PPP1R21: variants seen among roughly 807,000 people sequenced by gnomAD.
The protein encoded by PPP1R21 is protein phosphatase 1 regulatory subunit 21.
Under a neutral mutation model 112.8 loss-of-function variants are expected in PPP1R21, and 85 were observed. That is an observed-to-expected ratio of 0.75 (90% CI 0.63 to 0.90). PPP1R21 has a LOEUF of 0.90. Among genes scored for constraint, PPP1R21 ranks in the 40% least tolerant of loss-of-function variants. The pLI is 0.00. For missense variants in PPP1R21, 1,199 were observed against 901.5 expected, an observed-to-expected ratio of 1.33 and a Z score of -4.23; for synonymous variants, 381 against 322.3, an observed-to-expected ratio of 1.18 and a Z score of -1.95.
intron 13 of PPP1R21, among the ~76,000 whole-genome samples, chr2:48,486,383 A>T (rs936244010): frequency 1.3e-5 from 2 of 152,168 alleles, no homozygotes; most frequent in African/African-American, 4.8e-5. Flanking sequence ...TAATACTCCG[A>T]CGAGGAAATC....
chr2:48,510,846 A>G (rs1670606260), intron 20 of PPP1R21, among the ~76,000 whole-genome samples: 1 of 152,236 alleles, frequency 6.6e-6, no homozygotes, highest in Non-Finnish European at 1.5e-5. Flanking sequence ...GGCTTTTCTT[A>G]CAATTTTATA....
chr2:48,443,997 C>A (rs1434207106), intron 1 of PPP1R21, among the ~76,000 whole-genome samples: 1 of 151,956 alleles, frequency 6.6e-6, no homozygotes, highest in East Asian at 1.9e-4. Context: ...AGCCTTTGTT[C>A]CAGGAAAGGT....
chr2:48,472,891 C>T (rs1294468466), intron 11 of PPP1R21, among the ~76,000 whole-genome samples: 1 of 146,858 alleles, frequency 6.8e-6, no homozygotes, highest in Non-Finnish European at 1.5e-5. Flanking sequence ...TTTGAGGCTG[C>T]AGTGAGCTGT....
chr2:48,454,118 G>A (rs1382838391), intron 2 of PPP1R21, among the ~76,000 whole-genome samples: 5 of 152,080 alleles, frequency 3.3e-5, no homozygotes, highest in South Asian at 2.1e-4. Flanking sequence ...AAAATTAGCC[G>A]AGTATGGTAG....
intron 6 of PPP1R21, among the ~76,000 whole-genome samples, chr2:48,460,798 T>C (rs879904614): frequency 1.7e-4 from 26 of 152,224 alleles, no homozygotes; most frequent in South Asian, 2.1e-4. Context: ...TGAATACTTA[T>C]GTGTTGTAAC....
At chr2:48,473,581 T>C (rs1214869816) in intron 11 of PPP1R21, among the ~76,000 whole-genome samples, 1 of 152,228 alleles carries the variant, frequency 6.6e-6, no homozygotes, top group Admixed American at 6.5e-5. Flanking sequence ...TTGGGGGCAT[T>C]GGTTTAAATA....
At chr2:48,491,376 T>G (rs1213970090) in intron 15 of PPP1R21, among the ~76,000 whole-genome samples, 2 of 152,120 alleles carry the variant, frequency 1.3e-5, no homozygotes, top group Non-Finnish European at 2.9e-5. Context: ...CCTATATTCG[T>G]AGGCCATGTT....
At chr2:48,514,579 G>T (rs1670789731) in intron 21 of PPP1R21, 136 bp from the exon 22 acceptor site, 4 of 701,200 alleles carry the variant, frequency 5.7e-6, no homozygotes, top group African/African-American at 1.8e-5. Flanking sequence ...AACAATGCAA[G>T]GTTATCAGCT....
In PPP1R21 at chr2:48,509,889, A is replaced by C. The variant is rs1473803620; in HGVS notation, c.2086-126A>C. Reference sequence around the variant, plus strand: ...TGTGACACAATGCCTATAGGTATTCAACAGATTATTTGTGGAATGAATGAG... The same window carrying C: ...TGTGACACAATGCCTATAGGTATTCCACAGATTATTTGTGGAATGAATGAG... On this transcript the variant is annotated intron_variant, in intron 19 of 21. Transcript: ENST00000294952. 8.2e-6 allele frequency: 5 copies of C among 607,590 alleles called. No homozygotes were observed. The East Asian group carries it at 1.1e-4, about 13-fold the overall frequency. The allele number at this position is 607,590 out of a possible 1,614,324, so 37.6% of individuals were successfully genotyped here. A position where few individuals can be genotyped will look rare whatever the true frequency, so the allele number is the denominator to read the frequency against.
chr2:48,487,127 A>G (rs867388071), intron 14 of PPP1R21, among the ~76,000 whole-genome samples: 16 of 152,316 alleles, frequency 1.1e-4, no homozygotes, highest in Non-Finnish European at 2.1e-4. Flanking sequence ...TTTTAATGCA[A>G]TATTGGATGA....
In PPP1R21 at chr2:48,484,514, C is replaced by CT. The variant is rs56150780; in HGVS notation, c.1319-2098dup. Among the ~76,000 whole-genome samples the CT allele has an allele frequency of 1.2e-3, 149 of 122,988 alleles. 3 individuals carry two copies. The highest frequency in any genetic ancestry group is 1.5e-3 in the South Asian group (6 of 4,028). The allele number at this position is 122,988 out of a possible 152,430, so 80.7% of individuals were successfully genotyped here. A position where few individuals can be genotyped will look rare whatever the true frequency, so the allele number is the denominator to read the frequency against. Reference sequence around the variant, plus strand: ...ATCTTTGGACTAAATAAAGAATAAACTTTTTTTTTTTTTTTTTTTCTGGAC... The same window carrying CT: ...ATCTTTGGACTAAATAAAGAATAAACTTTTTTTTTTTTTTTTTTTTCTGGAC... On this transcript the variant is annotated intron_variant, in intron 13 of 21. Transcript: ENST00000294952.
At chr2:48,471,457 G>A (rs1668493070) in intron 11 of PPP1R21, 90 bp downstream of exon 11, 1 of 1,280,008 alleles carries the variant, frequency 7.8e-7, no homozygotes, top group African/African-American at 1.5e-5. Flanking sequence ...TGTGCCTCTT[G>A]TGATCTGCCT....
intron 18 of PPP1R21, among the ~76,000 whole-genome samples, chr2:48,506,880 A>G (rs552731540): frequency 6.7e-6 from 1 of 148,946 alleles, no homozygotes; most frequent in Non-Finnish European, 1.5e-5. Flanking sequence ...TGGGAGGCGG[A>G]GCTTGCAGTG....
At chr2:48,509,427 C>A (rs892837805) in intron 19 of PPP1R21, among the ~76,000 whole-genome samples, 1 of 151,640 alleles carries the variant, frequency 6.6e-6, no homozygotes, top group Non-Finnish European at 1.5e-5. Flanking sequence ...ATGTAAAGAA[C>A]GGGTGCTGTG....
In PPP1R21 at chr2:48,498,592, C is replaced by T. The variant is rs1669956067; in HGVS notation, c.1792C>T (p.Gln598Ter). The change falls in exon 17 of 22, where the codon CAG becomes TAG. Residue 598 changes from glutamine to a stop codon, truncating the protein, a stop_gained. Transcript: ENST00000294952. LOFTEE classifies it high-confidence loss of function. ...LAKIKLEKEN[Q>*]RIADKLKNTG... ...CAAAATCAAGCTAGAGAAAGAAAAC[C>T]AGCGAATTGCAGATAAGCTGAAGAA... is the stretch of plus-strand genomic sequence containing the variant. The T allele has an allele frequency of 6.2e-7, 1 of 1,614,188 alleles. No homozygotes were observed.
chr2:48,448,374 C>T (rs1426608429), intron 1 of PPP1R21, among the ~76,000 whole-genome samples: 2 of 152,174 alleles, frequency 1.3e-5, no homozygotes, highest in African/African-American at 4.8e-5. Context: ...GTTCAGTTTG[C>T]TTTAAATAGT....
In PPP1R21 at chr2:48,505,615, C is replaced by T. The variant is rs1181932127; in HGVS notation, c.1968+19C>T. 1 of 1,543,216 alleles carries T rather than the reference C, an allele frequency of 6.5e-7. No individual in the cohort carries two copies. The highest frequency in any genetic ancestry group is 8.8e-7 in the Non-Finnish European group (1 of 1,138,896). On this transcript the variant is annotated intron_variant, in intron 18 of 21. Coordinates refer to ENST00000294952, the MANE Select transcript of PPP1R21 (RefSeq NM_001135629.3). ...CAGTGAGGTAACATGTGCTTGTCAT[C>T]ATGTTGTTTGTTAGTAAATATCTGG...
chr2:48,441,133 C>A (rs1667008701), intron 1 of PPP1R21, 123 bp downstream of exon 1: 2 of 707,892 alleles, frequency 2.8e-6, no homozygotes, highest in Non-Finnish European at 2.5e-6. Flanking sequence ...CACCTTTCCC[C>A]TCAGCCGTCT....
At chr2:48,508,832 C>T (rs965767706) in intron 19 of PPP1R21, among the ~76,000 whole-genome samples, 7 of 152,074 alleles carry the variant, frequency 4.6e-5, no homozygotes, top group Non-Finnish European at 8.8e-5. Context: ...TTTTTTTAGG[C>T]TGTTTGATTT....
Sources: gnomAD v4.1 joint callset for allele counts (sites outside exome capture counted in the v4.1 genomes callset) on GRCh38, gnomAD v4.1.1 for gene constraint, MANE v1.5 for transcripts, NCBI Gene and HGNC (gene_info 2026-07-23, HGNC 2026-07-21) for gene names.